ETNPPL: variants seen among roughly 807,000 people sequenced by gnomAD.
ETNPPL encodes ethanolamine-phosphate phospho-lyase.
ETNPPL carries 30 observed loss-of-function variants against 55.5 expected under a neutral mutation model. The observed-to-expected ratio is 0.54, with a 90% confidence interval of 0.40 to 0.73. The LOEUF (loss-of-function observed/expected upper bound fraction) is 0.73, where lower values mean the gene tolerates loss of function less well. Among genes scored for constraint, ETNPPL ranks in the 30% least tolerant of loss-of-function variants. ETNPPL has a pLI of 0.00. For synonymous variants in ETNPPL, 202 were observed against 207.2 expected (o/e 0.98, Z 0.21); for missense variants, 528 against 607.9 (o/e 0.87, Z 1.38).
At chr4:108,746,709 G>T in intron 10 of ETNPPL, 53 bp downstream of exon 10, 2 of 1,552,818 alleles carry the variant, frequency 1.3e-6, no homozygotes, top group South Asian at 2.2e-5. Context: ...CTTTCAAGTG[G>T]GTAGGCATCC....
At chr4:108,758,009 T>TC (rs1303207114) in intron 3 of ETNPPL, among the ~76,000 whole-genome samples, 4 of 143,660 alleles carry the variant, frequency 2.8e-5, no homozygotes, top group South Asian at 2.2e-4. Flanking sequence ...TTTCTTTCTT[T>TC]TTTTTTTTTT....
rs776303411 is a variant in ETNPPL at position 108,762,847 on chromosome 4, T to C, written c.52A>G (p.Ile18Val). 3 of 1,614,136 alleles carry C rather than the reference T, an allele frequency of 1.9e-6. No individual in the cohort carries two copies. The highest frequency in any genetic ancestry group is 2.5e-6 in the Non-Finnish European group (3 of 1,179,962). ...TCCGGGCCAGGGTGCCCTTACCCGATGTGCTTCTTCCTCAGCCCCAGAGTG... is the reference window on the plus strand; with the variant it reads ...TCCGGGCCAGGGTGCCCTTACCCGACGTGCTTCTTCCTCAGCCCCAGAGTG... ...RDTLGLRKKH[I>V]GPSCKVFFAS... The change falls in exon 1 of 13, where the codon ATC (isoleucine) becomes GTC (valine). Residue 18 changes from isoleucine (I) to valine (V), a missense_variant. Coordinates refer to ENST00000296486, the MANE Select transcript of ETNPPL (RefSeq NM_031279.4).
intron 9 of ETNPPL, among the ~76,000 whole-genome samples, chr4:108,747,132 A>ATATAT (rs1553933492): frequency 2.0e-5 from 1 of 49,868 alleles, no homozygotes; most frequent in Non-Finnish European, 3.1e-5. Flanking sequence ...CATTATATAT[A>ATATAT]TATATATATA....
At chr4:108,745,098 C>T (rs1162264063) in intron 11 of ETNPPL, among the ~76,000 whole-genome samples, 1 of 152,058 alleles carries the variant, frequency 6.6e-6, no homozygotes, top group African/African-American at 2.4e-5. Context: ...ATATGCTCTT[C>T]AACATGGTTT....
At position 108,747,834 on chromosome 4, in the gene ETNPPL, T is replaced by G. The variant is rs535517540; in HGVS notation, c.1082+171A>C. 14 of 537,446 alleles carry G rather than the reference T, an allele frequency of 2.6e-5. No homozygotes were observed. In the South Asian group the frequency reaches 3.7e-4, roughly 14 times the overall value. 33.3% of individuals were successfully genotyped at this position (537,446 alleles called of 1,614,324 possible). ...ACCTCTGCCTCCCAGGCTCAAGTGA[T>G]TCTCATGCCTCAGCCTCCCGAGTAG... On this transcript the variant is annotated intron_variant, in intron 9 of 12. Coordinates refer to ENST00000296486, the MANE Select transcript of ETNPPL (RefSeq NM_031279.4).
At chr4:108,745,659 G>A (rs57073549) in intron 11 of ETNPPL, among the ~76,000 whole-genome samples, 12,869 of 151,780 alleles carry the variant, frequency 0.085, 1,038 homozygotes, top group East Asian at 0.48. Flanking sequence ...GGCTGGACGC[G>A]GTGACTTACG....
intron 12 of ETNPPL, among the ~76,000 whole-genome samples, chr4:108,742,905 G>T (rs1728288196): frequency 6.6e-6 from 1 of 152,108 alleles, no homozygotes. Flanking sequence ...TGTTTCATTT[G>T]CAGGACTCTT....
chr4:108,746,960 C>T (rs1177206049), intron 9 of ETNPPL, 109 bp from the exon 10 acceptor site: 2 of 690,442 alleles, frequency 2.9e-6, no homozygotes, highest in African/African-American at 3.6e-5. Flanking sequence ...TTAATTCTAA[C>T]TAAATCAAGA....
chr4:108,755,625 T>C (rs1474983482), intron 4 of ETNPPL, among the ~76,000 whole-genome samples: 2 of 152,170 alleles, frequency 1.3e-5, no homozygotes, highest in African/African-American at 2.4e-5. Context: ...GAAACCAGCC[T>C]GGCCAACATG....
chr4:108,751,138 C>A, intron 6 of ETNPPL, 120 bp from the exon 7 acceptor site: 2 of 529,282 alleles, frequency 3.8e-6, no homozygotes, highest in South Asian at 2.9e-5. Context: ...TAGCAAGTGG[C>A]AAATTAGCCA....
rs1728497077 is a variant in ETNPPL at position 108,746,366 on chromosome 4, AC to A, written c.1303+32del. On this transcript the variant is annotated intron_variant, in intron 11 of 12. Coordinates refer to ENST00000296486, the MANE Select transcript of ETNPPL (RefSeq NM_031279.4). ...TTGAGGGGTGGGTTTGGGAGAGGGAACAAGAAGACATCTTAAAGATCCATGG... is the reference window on the plus strand; with the variant it reads ...TTGAGGGGTGGGTTTGGGAGAGGGAAAAGAAGACATCTTAAAGATCCATGG... 3 of 1,594,350 alleles carry A rather than the reference AC, an allele frequency of 1.9e-6. No individual in the cohort carries two copies. The East Asian group carries it at 6.7e-5, about 36-fold the overall frequency.
At chr4:108,762,349 C>G in intron 1 of ETNPPL, 1 of 463,886 alleles carries the variant, frequency 2.2e-6, no homozygotes, top group Non-Finnish European at 4.3e-6. Flanking sequence ...ATAAACCCTT[C>G]ATCACTTAAC....
chr4:108,756,505 CAT>C lies in ETNPPL; in HGVS notation c.336-15_336-14del. 2 of 1,605,112 alleles carry C rather than the reference CAT, an allele frequency of 1.2e-6. No individual in the cohort carries two copies. Among genetic ancestry groups the C allele is most frequent in the South Asian group, 2.2e-5 (2 of 90,870 alleles). ...GTTGGCTTCGGATCTATTAAGATAA[CAT>C]AGAGAGAGAGGACACTGTGACAGTC... On this transcript the variant is annotated splice_polypyrimidine_tract_variant and intron_variant, in intron 3 of 12. Coordinates refer to ENST00000296486, the MANE Select transcript of ETNPPL (RefSeq NM_031279.4).
chr4:108,745,866 G>C (rs917854958), intron 11 of ETNPPL, among the ~76,000 whole-genome samples: 2 of 147,682 alleles, frequency 1.4e-5, no homozygotes, highest in African/African-American at 5.1e-5. Flanking sequence ...GGGAGGCGGA[G>C]GCTGCAGTGA....
At chr4:108,759,706 AG>A (rs760422298) in intron 3 of ETNPPL, 42 bp downstream of exon 3, 1 of 1,593,964 alleles carries the variant, frequency 6.3e-7, no homozygotes, top group South Asian at 1.1e-5. Context: ...GAGTAGACAA[AG>A]TTTAGTGGGA....
At chr4:108,751,083 A>C in intron 6 of ETNPPL, 65 bp from the exon 7 acceptor site, 1 of 1,096,466 alleles carries the variant, frequency 9.1e-7, no homozygotes, top group South Asian at 1.3e-5. Context: ...AAAAGAGTAT[A>C]TCTTATAGAG....
chr4:108,746,638 A>C, intron 10 of ETNPPL, 109 bp from the exon 11 acceptor site: 1 of 1,464,468 alleles, frequency 6.8e-7, no homozygotes. Flanking sequence ...AGAAGCCCAC[A>C]TTATAAATAG....
chr4:108,756,678 T>C (rs781585486), intron 3 of ETNPPL, among the ~76,000 whole-genome samples, 186 bp from the exon 4 acceptor site: 24 of 151,326 alleles, frequency 1.6e-4, no homozygotes, highest in Admixed American at 1.1e-3. Flanking sequence ...TACAAAAAAT[T>C]AGCCAGGCGC....
rs764491026 is a variant in ETNPPL at position 108,760,178 on chromosome 4, G to A, written c.175+10C>T. On this transcript the variant is annotated intron_variant, in intron 2 of 12. Coordinates refer to ENST00000296486, the MANE Select transcript of ETNPPL (RefSeq NM_031279.4). Reference sequence around the variant, plus strand: ...TTTCCTCCAAAGCACTGCAAGGACAGGACATTTACCATGGGCAACATTGTT... The same window carrying A: ...TTTCCTCCAAAGCACTGCAAGGACAAGACATTTACCATGGGCAACATTGTT... The A allele has an allele frequency of 2.0e-6, 3 of 1,530,030 alleles. No individual in the cohort carries two copies. The highest frequency in any genetic ancestry group is 1.7e-5 in the Admixed American group (1 of 59,606). The allele number at this position is 1,530,030 out of a possible 1,614,324, so 94.8% of individuals were successfully genotyped here.
Sources: allele counts gnomAD v4.1 joint callset (sites outside exome capture counted in the v4.1 genomes callset), GRCh38; gene constraint gnomAD v4.1.1; transcripts MANE v1.5; gene names NCBI Gene and HGNC (gene_info 2026-07-23, HGNC 2026-07-21).